POT1: variants seen among roughly 807,000 people sequenced by gnomAD.
POT1 encodes protection of telomeres protein 1.
In POT1, 47 loss-of-function variants were observed where a neutral mutation model predicts 78.5. That is an observed-to-expected ratio of 0.60 (90% CI 0.47 to 0.76). The LOEUF (loss-of-function observed/expected upper bound fraction) is 0.76, where lower values mean the gene tolerates loss of function less well. POT1 is among the 30% of genes least tolerant of loss of function. POT1 has a pLI of 0.00. For synonymous variants in POT1, 259 were observed against 260.7 expected, an observed-to-expected ratio of 0.99 and a Z score of 0.06; for missense variants, 646 against 749.9, an observed-to-expected ratio of 0.86 and a Z score of 1.62.
At chr7:124,909,373 C>T (rs1796837482) in intron 3 of POT1, among the ~76,000 whole-genome samples, 2 of 151,750 alleles carry the variant, frequency 1.3e-5, no homozygotes, top group African/African-American at 4.8e-5. Flanking sequence ...TTATTGTATT[C>T]AAATACAACG....
At position 124,863,641 on chromosome 7, in the gene POT1, C is replaced by T; in HGVS notation, c.256-1G>A. On this transcript the variant is annotated splice_acceptor_variant, in intron 7 of 18. Coordinates refer to ENST00000357628, the MANE Select transcript of POT1 (RefSeq NM_015450.3). LOFTEE classifies it high-confidence loss of function. Reference sequence around the variant, plus strand: ...GAGTCTCCTTTTTATATACTTGAATCTAAGAAAGTAGGGCAAAGTAGAAAA... The same window carrying T: ...GAGTCTCCTTTTTATATACTTGAATTTAAGAAAGTAGGGCAAAGTAGAAAA... 1 of 1,603,314 alleles carries T rather than the reference C, an allele frequency of 6.2e-7. No homozygotes were observed. The highest frequency in any genetic ancestry group is 1.3e-5 in the African/African-American group (1 of 74,272).
intron 15 of POT1, among the ~76,000 whole-genome samples, chr7:124,830,490 G>T (rs185304542): frequency 3.6e-4 from 54 of 151,988 alleles, no homozygotes; most frequent in African/African-American, 1.2e-3. Context: ...TTTAACAAAA[G>T]AATATTATTG....
At chr7:124,881,322 GA>G (rs1563002818) in intron 6 of POT1, among the ~76,000 whole-genome samples, 1 of 151,764 alleles carries the variant, frequency 6.6e-6, no homozygotes, top group African/African-American at 2.4e-5. Flanking sequence ...AATCTTACGA[GA>G]CCACTGTCAT....
chr7:124,907,226 A>G (rs1796786339), intron 3 of POT1, among the ~76,000 whole-genome samples: 1 of 152,140 alleles, frequency 6.6e-6, no homozygotes, highest in South Asian at 2.1e-4. Flanking sequence ...CAAATGGGTC[A>G]TTTCCCTTTT....
At chr7:124,848,105 AAG>A (rs1357218336) in intron 11 of POT1, among the ~76,000 whole-genome samples, 1 of 152,214 alleles carries the variant, frequency 6.6e-6, no homozygotes, top group Admixed American at 6.5e-5. Context: ...TATATACAAA[AAG>A]AGTACATATG....
chr7:124,875,456 C>A (rs904419881), intron 6 of POT1, among the ~76,000 whole-genome samples: 2 of 152,136 alleles, frequency 1.3e-5, no homozygotes, highest in East Asian at 3.9e-4. Flanking sequence ...AGTCTGGAGA[C>A]ACCATCTTTT....
intron 6 of POT1, among the ~76,000 whole-genome samples, chr7:124,883,141 A>C (rs1796161373): frequency 6.6e-6 from 1 of 152,008 alleles, no homozygotes; most frequent in Non-Finnish European, 1.5e-5. Flanking sequence ...AGACATATTT[A>C]TTTTTTGACT....
chr7:124,905,518 C>G (rs1365590719), intron 3 of POT1, among the ~76,000 whole-genome samples: 1 of 150,966 alleles, frequency 6.6e-6, no homozygotes, highest in Non-Finnish European at 1.5e-5. Flanking sequence ...GACCTAAAAC[C>G]ATAAAAAAAA....
intron 12 of POT1, 61 bp from the exon 13 acceptor site, chr7:124,843,024 C>G: frequency 2.6e-6 from 3 of 1,160,850 alleles, no homozygotes; most frequent in Non-Finnish European, 3.6e-6. Context: ...CATGCATCCT[C>G]CTGAACCAAA....
intron 7 of POT1, among the ~76,000 whole-genome samples, chr7:124,863,931 T>C (rs1296633505): frequency 3.3e-5 from 5 of 152,138 alleles, no homozygotes; most frequent in African/African-American, 1.2e-4. Flanking sequence ...CTTGCAGTTT[T>C]ACATTTATTA....
intron 14 of POT1, 96 bp downstream of exon 14, chr7:124,840,877 T>C (rs1795009330): frequency 2.2e-6 from 2 of 890,798 alleles, no homozygotes; most frequent in South Asian, 1.9e-5. Flanking sequence ...TTACTTTATA[T>C]GTACTAGGTT....
In POT1 at chr7:124,913,117, T is replaced by G. The variant is rs117765274; in HGVS notation, c.-154+2457A>C. Among the ~76,000 whole-genome samples, 798 of 152,228 alleles carry G rather than the reference T, an allele frequency of 5.2e-3. 3 individuals are homozygous for G. Among genetic ancestry groups the G allele is most frequent in the Middle Eastern group, 0.01 (3 of 294 alleles). On this transcript the variant is annotated intron_variant, in intron 3 of 18. Coordinates refer to ENST00000357628, the MANE Select transcript of POT1 (RefSeq NM_015450.3). The stretch of plus-strand genomic sequence containing the variant: ...CTGATCCCGTGAAACTCCTTCACTA[T>G]CATGAGAACAGCCAAGGAAAGACCC...
chr7:124,868,436 A>C (rs914488350), intron 7 of POT1, among the ~76,000 whole-genome samples: 3 of 152,178 alleles, frequency 2.0e-5, no homozygotes, highest in Non-Finnish European at 4.4e-5. Flanking sequence ...CAAAATCGAT[A>C]GAGCTAAAGG....
At chr7:124,906,214 C>A (rs986962484) in intron 3 of POT1, among the ~76,000 whole-genome samples, 1 of 152,072 alleles carries the variant, frequency 6.6e-6, no homozygotes, top group Non-Finnish European at 1.5e-5. Flanking sequence ...CCACTATTCA[C>A]CATAGCAAAG....
chr7:124,885,697 C>T (rs1796228230), intron 6 of POT1, among the ~76,000 whole-genome samples: 1 of 151,864 alleles, frequency 6.6e-6, no homozygotes, highest in South Asian at 2.1e-4. Flanking sequence ...ACCCAGGAGG[C>T]GGAGCTTGCA....
intron 3 of POT1, among the ~76,000 whole-genome samples, chr7:124,899,778 T>C (rs1796576295): frequency 6.6e-6 from 1 of 152,204 alleles, no homozygotes; most frequent in African/African-American, 2.4e-5. Context: ...TCTGTTCCAC[T>C]TAAAAATGTT....
chr7:124,880,714 G>A (rs1054598593), intron 6 of POT1, among the ~76,000 whole-genome samples: 8 of 151,884 alleles, frequency 5.3e-5, no homozygotes, highest in African/African-American at 1.2e-4. Flanking sequence ...ACCCACTATC[G>A]AGATCTTTAC....
Position 124,880,684 on chromosome 7 carries a change from T to C in POT1, c.125-9643A>G, listed in dbSNP as rs1796096517. On this transcript the variant is annotated intron_variant, in intron 6 of 18. Transcript: ENST00000357628. ...GACTGCAAAAGACTCTAGGTAACACTTTGAGAAACATTATTGTAGACCCAC... is the reference window on the plus strand; with the variant it reads ...GACTGCAAAAGACTCTAGGTAACACCTTGAGAAACATTATTGTAGACCCAC... 3.9e-5 allele frequency among the ~76,000 whole-genome samples: 6 copies of C among 152,160 alleles called. No homozygotes were observed. In the South Asian group the frequency reaches 1.2e-3, roughly 32 times the overall value.
chr7:124,919,408 T>C (rs1797093676), intron 2 of POT1, among the ~76,000 whole-genome samples: 1 of 152,170 alleles, frequency 6.6e-6, no homozygotes, highest in Admixed American at 6.6e-5. Context: ...TAACACATCC[T>C]GTTATGGACT....
Sources: gnomAD v4.1 joint callset for allele counts (sites outside exome capture counted in the v4.1 genomes callset) on GRCh38, gnomAD v4.1.1 for gene constraint, MANE v1.5 for transcripts, NCBI Gene and HGNC (gene_info 2026-07-23, HGNC 2026-07-21) for gene names.